Variants in SMYD3 observed in about 807,000 individuals in gnomAD.
The protein encoded by SMYD3 is SET and MYND domain containing 3.
In SMYD3, 36 loss-of-function variants were observed where a neutral mutation model predicts 57.7. The observed-to-expected ratio is 0.62, with a 90% CI of 0.48 to 0.82. SMYD3 has a LOEUF of 0.82. Among genes scored for constraint, SMYD3 ranks in the 40% least tolerant of loss-of-function variants. The pLI is 0.00. For synonymous variants in SMYD3, 211 were observed against 195.0 expected, an observed-to-expected ratio of 1.08 and a Z score of -0.68; for missense variants, 515 against 538.8, an observed-to-expected ratio of 0.96 and a Z score of 0.44.
intron 5 of SMYD3, among the ~76,000 whole-genome samples, chr1:246,144,952 G>A (rs2061820116): frequency 6.6e-6 from 1 of 152,146 alleles, no homozygotes; most frequent in Non-Finnish European, 1.5e-5. Context: ...CTTCCCCACC[G>A]CCTCACGAAA....
chr1:246,351,525 TTA>T (rs1222017566), intron 2 of SMYD3, among the ~76,000 whole-genome samples: 2 of 152,182 alleles, frequency 1.3e-5, no homozygotes, highest in African/African-American at 4.8e-5. Flanking sequence ...TTCTATGAAA[TTA>T]TATGATAGAC....
chr1:246,325,047 G>A (rs2065318799), intron 5 of SMYD3, among the ~76,000 whole-genome samples: 1 of 63,260 alleles, frequency 1.6e-5, no homozygotes, highest in Admixed American at 1.5e-4. Flanking sequence ...GAGTCGGGGG[G>A]CAGGAAGGAG....
chr1:245,816,260 G>T (rs191242796), intron 10 of SMYD3, among the ~76,000 whole-genome samples: 3 of 152,108 alleles, frequency 2.0e-5, no homozygotes, highest in African/African-American at 7.2e-5. Flanking sequence ...CAGTTTAGAC[G>T]GCAGCAGCAA....
chr1:245,957,404 A>T (rs552221189), intron 5 of SMYD3, among the ~76,000 whole-genome samples: 24 of 152,192 alleles, frequency 1.6e-4, no homozygotes, highest in Middle Eastern at 6.8e-3. Context: ...TTCCACTGTA[A>T]CATTTCTTTC....
At chr1:246,319,600 C>G (rs2065215111) in intron 5 of SMYD3, among the ~76,000 whole-genome samples, 1 of 151,982 alleles carries the variant, frequency 6.6e-6, no homozygotes, top group Admixed American at 6.6e-5. Flanking sequence ...CAGAGCTCAT[C>G]AACAAAAAAG....
At chr1:246,302,964 A>G (rs548487229) in intron 5 of SMYD3, among the ~76,000 whole-genome samples, 1 of 152,324 alleles carries the variant, frequency 6.6e-6, no homozygotes, top group South Asian at 2.1e-4. Flanking sequence ...CACCACAAAT[A>G]TGTGGGTCTT....
chr1:245,893,729 G>C (rs576847739), intron 8 of SMYD3, among the ~76,000 whole-genome samples: 1 of 144,778 alleles, frequency 6.9e-6, no homozygotes, highest in South Asian at 2.3e-4. Context: ...GAATTTGGGA[G>C]TGGTGGTGAT....
At chr1:246,194,274 T>G (rs1326016757) in intron 5 of SMYD3, among the ~76,000 whole-genome samples, 3 of 142,124 alleles carry the variant, frequency 2.1e-5, no homozygotes, top group East Asian at 2.1e-4. Flanking sequence ...GTTTTTTTGT[T>G]TTTTTTTTTT....
chr1:245,924,786 C>A (rs1458174351), intron 7 of SMYD3, among the ~76,000 whole-genome samples: 2 of 151,694 alleles, frequency 1.3e-5, no homozygotes, highest in Non-Finnish European at 2.9e-5. Context: ...CCTCAGCCTC[C>A]TCAGTAGCTG....
At chr1:245,820,134 C>A (rs2049077038) in intron 10 of SMYD3, among the ~76,000 whole-genome samples, 1 of 149,828 alleles carries the variant, frequency 6.7e-6, no homozygotes, top group South Asian at 2.1e-4. Flanking sequence ...AACATTGATG[C>A]AAAAATCCTC....
In SMYD3 at chr1:245,990,281, G is replaced by T. The variant is rs549968712; in HGVS notation, c.532-60344C>A. On this transcript the variant is annotated intron_variant, in intron 5 of 11. Coordinates refer to ENST00000490107, the MANE Select transcript of SMYD3 (RefSeq NM_001167740.2). ...ATTTTTTATTTTTTGTAAAGACAGG[G>T]TCTCACTATGTTGCCCAGGTTAGTC... Among the ~76,000 whole-genome samples, 29 of 152,240 alleles carry T rather than the reference G, an allele frequency of 1.9e-4. No homozygotes were observed. The South Asian group carries it at 5.8e-3, about 30-fold the overall frequency.
intron 5 of SMYD3, among the ~76,000 whole-genome samples, chr1:246,011,515 AG>A (rs1241613273): frequency 1.3e-5 from 2 of 152,200 alleles, no homozygotes; most frequent in African/African-American, 4.8e-5. Context: ...GGACATAAAA[AG>A]GAGGAGAATT....
At chr1:245,840,354 C>A (rs1161462094) in intron 10 of SMYD3, among the ~76,000 whole-genome samples, 2 of 152,102 alleles carry the variant, frequency 1.3e-5, no homozygotes, top group African/African-American at 2.4e-5. Context: ...TCAGAAATAA[C>A]AGATCTTACG....
intron 5 of SMYD3, among the ~76,000 whole-genome samples, chr1:246,043,897 T>G (rs2059919020): frequency 6.6e-6 from 1 of 152,062 alleles, no homozygotes; most frequent in African/African-American, 2.4e-5. Flanking sequence ...GGATAATGAC[T>G]CGCACCAACA....
At chr1:245,906,645 A>C (rs1229345192) in intron 8 of SMYD3, among the ~76,000 whole-genome samples, 3 of 152,240 alleles carry the variant, frequency 2.0e-5, no homozygotes, top group African/African-American at 7.2e-5. Context: ...TGCTGGGTAT[A>C]TACCCAAAAC....
At chr1:246,154,390 G>A (rs1047946142) in intron 5 of SMYD3, among the ~76,000 whole-genome samples, 12 of 152,106 alleles carry the variant, frequency 7.9e-5, no homozygotes, top group South Asian at 2.1e-4. Context: ...TGTTTATACC[G>A]GCAAAGTGCT....
At chr1:245,857,945 T>G (rs1296727624) in intron 10 of SMYD3, among the ~76,000 whole-genome samples, 1 of 152,228 alleles carries the variant, frequency 6.6e-6, no homozygotes, top group Non-Finnish European at 1.5e-5. Flanking sequence ...TTCCTTCACC[T>G]GACTCAAGGA....
intron 10 of SMYD3, among the ~76,000 whole-genome samples, chr1:245,827,428 C>T (rs573472978): frequency 1.9e-4 from 29 of 152,306 alleles, no homozygotes; most frequent in Middle Eastern, 3.4e-3. Context: ...GGGCTCTCTG[C>T]TCCATTCCAC....
intron 1 of SMYD3, among the ~76,000 whole-genome samples, chr1:246,463,635 G>A (rs2067835623): frequency 7.8e-6 from 1 of 128,442 alleles, no homozygotes; most frequent in Non-Finnish European, 1.6e-5. Flanking sequence ...GGCTAACACG[G>A]TGAAACCCCA....
Sources: allele counts gnomAD v4.1 joint callset (sites outside exome capture counted in the v4.1 genomes callset), GRCh38; gene constraint gnomAD v4.1.1; transcripts MANE v1.5; gene names NCBI Gene and HGNC (gene_info 2026-07-23, HGNC 2026-07-21).